The following RPS6KA5 variants were observed in gnomAD, a reference collection of about 807,000 sequenced individuals.
RPS6KA5 encodes the protein ribosomal protein S6 kinase alpha-5.
In RPS6KA5, 27 loss-of-function variants were observed where a neutral mutation model predicts 85.5. That is an observed-to-expected ratio of 0.32 (90% CI 0.23 to 0.44). The LOEUF is 0.44. RPS6KA5 is among the 20% of genes least tolerant of loss of function. The probability of loss-of-function intolerance (pLI) is 1.00; values close to 1 mark genes in which losing one functional copy is unlikely to be tolerated. For missense variants in RPS6KA5, 811 were observed against 980.9 expected (o/e 0.83, Z 2.31); for synonymous variants, 334 against 348.2 (o/e 0.96, Z 0.46).
intron 2 of RPS6KA5, among the ~76,000 whole-genome samples, chr14:90,994,023 G>T (rs965656438): frequency 6.6e-6 from 1 of 151,948 alleles, no homozygotes; most frequent in Non-Finnish European, 1.5e-5. Flanking sequence ...TGAATGGCTA[G>T]GACTACAGTC....
At chr14:90,922,612 TAA>T (rs1316205516) in intron 6 of RPS6KA5, among the ~76,000 whole-genome samples, 9 of 152,200 alleles carry the variant, frequency 5.9e-5, no homozygotes, top group African/African-American at 2.2e-4. Context: ...CACGCCCAGC[TAA>T]TTTTTTATAT....
chr14:90,984,786 A>G (rs2039986182), intron 2 of RPS6KA5, among the ~76,000 whole-genome samples: 1 of 152,250 alleles, frequency 6.6e-6, no homozygotes, highest in Non-Finnish European at 1.5e-5. Flanking sequence ...TGACAGTTTT[A>G]AAACAAGAAG....
chr14:90,986,733 T>G (rs1484153494), intron 2 of RPS6KA5, among the ~76,000 whole-genome samples: 1 of 152,170 alleles, frequency 6.6e-6, no homozygotes, highest in Non-Finnish European at 1.5e-5. Context: ...CATGCCATCA[T>G]TCTCTACTCC....
intron 2 of RPS6KA5, among the ~76,000 whole-genome samples, chr14:90,997,162 TC>T (rs1333314843): frequency 2.0e-5 from 3 of 152,180 alleles, no homozygotes; most frequent in African/African-American, 7.2e-5. Flanking sequence ...TCAGATTTCT[TC>T]CTGTTTTAAA....
At chr14:90,928,772 G>A (rs1415045589) in intron 5 of RPS6KA5, among the ~76,000 whole-genome samples, 1 of 148,220 alleles carries the variant, frequency 6.7e-6, no homozygotes, top group Admixed American at 6.7e-5. Flanking sequence ...AACACACTCT[G>A]GCAGATTTGA....
At chr14:90,990,380 A>C (rs2040251875) in intron 2 of RPS6KA5, among the ~76,000 whole-genome samples, 1 of 152,224 alleles carries the variant, frequency 6.6e-6, no homozygotes, top group Non-Finnish European at 1.5e-5. Context: ...AAAAAATAAC[A>C]GATACTGGTG....
chr14:90,982,411 A>G (rs936187389), intron 2 of RPS6KA5, among the ~76,000 whole-genome samples: 5 of 152,210 alleles, frequency 3.3e-5, no homozygotes, highest in African/African-American at 1.2e-4. Context: ...GCAGTGAGCC[A>G]TGATTGCACC....
At chr14:91,024,096 TAA>T (rs760572305) in intron 1 of RPS6KA5, among the ~76,000 whole-genome samples, 44 of 152,364 alleles carry the variant, frequency 2.9e-4, no homozygotes, top group Non-Finnish European at 5.0e-4. Context: ...TGTATTTAAT[TAA>T]GTGTTCCCCT....
Position 90,854,738 on chromosome 14 carries a change from G to A in RPS6KA5, c.*17336C>T, listed in dbSNP as rs1327071831. 1.3e-5 allele frequency: 2 copies of A among 152,112 alleles called. No homozygotes were observed. The highest frequency in any genetic ancestry group is 1.5e-5 in the Non-Finnish European group (1 of 68,004). The allele number at this position is 152,112 out of a possible 1,614,324, so 9.4% of individuals were successfully genotyped here. A position where few individuals can be genotyped will look rare whatever the true frequency, so the allele number is the denominator to read the frequency against. On this transcript the variant is annotated 3_prime_UTR_variant, in exon 17 of 17. Transcript: ENST00000614987. Reference sequence around the variant, plus strand: ...AGCCCATTCTTATTTTTAAAAATATGTACAACTAGACTAATGATGCCAAAT... The same window carrying A: ...AGCCCATTCTTATTTTTAAAAATATATACAACTAGACTAATGATGCCAAAT...
At chr14:90,895,756 G>A (rs1247999132) in intron 12 of RPS6KA5, among the ~76,000 whole-genome samples, 8 of 152,192 alleles carry the variant, frequency 5.3e-5, no homozygotes, top group Non-Finnish European at 1.2e-4. Flanking sequence ...CAGACATGGT[G>A]GCGCACGCCT....
At chr14:90,939,644 G>A (rs2037466397) in intron 5 of RPS6KA5, among the ~76,000 whole-genome samples, 1 of 152,118 alleles carries the variant, frequency 6.6e-6, no homozygotes, top group Non-Finnish European at 1.5e-5. Context: ...ACTTGTTGCA[G>A]GGAAACTCCC....
intron 14 of RPS6KA5, among the ~76,000 whole-genome samples, chr14:90,889,591 TA>T (rs1252006985): frequency 2.0e-5 from 3 of 151,666 alleles, no homozygotes; most frequent in African/African-American, 2.4e-5. Context: ...AACACATATA[TA>T]AAAAAAATTC....
At chr14:90,973,921 C>T (rs2039437729) in intron 3 of RPS6KA5, among the ~76,000 whole-genome samples, 1 of 151,004 alleles carries the variant, frequency 6.6e-6, no homozygotes, top group Non-Finnish European at 1.5e-5. Flanking sequence ...GCCTATAATC[C>T]CAGCTACTCG....
At position 90,851,807 on chromosome 14, in the gene RPS6KA5, G is replaced by A. The variant is rs1007429281; in HGVS notation, c.*20267C>T. ...TGAATGGTTTTTACTAATAAAGCTG[G>A]GCACAGGCCAAGGCAGACATGAATG... On this transcript the variant is annotated 3_prime_UTR_variant, in exon 17 of 17. Coordinates refer to ENST00000614987, the MANE Select transcript of RPS6KA5 (RefSeq NM_004755.4). 1 of 152,092 alleles carries A rather than the reference G, an allele frequency of 6.6e-6. No homozygotes were observed. Among genetic ancestry groups the A allele is most frequent in the African/African-American group, 2.4e-5 (1 of 41,390 alleles). The allele number at this position is 152,092 out of a possible 1,614,324, so 9.4% of individuals were successfully genotyped here. A position where few individuals can be genotyped will look rare whatever the true frequency, so the allele number is the denominator to read the frequency against.
chr14:91,051,451 A>G (rs1004641640), intron 1 of RPS6KA5, among the ~76,000 whole-genome samples: 1 of 151,942 alleles, frequency 6.6e-6, no homozygotes, highest in African/African-American at 2.4e-5. Flanking sequence ...CAATAAAGTA[A>G]ATCACCACTC....
At chr14:90,890,030 ATTACT>A (rs1489853251) in intron 14 of RPS6KA5, among the ~76,000 whole-genome samples, 6 of 152,236 alleles carry the variant, frequency 3.9e-5, no homozygotes, top group African/African-American at 7.2e-5. Context: ...GCATGCTCAC[ATTACT>A]TTAAGTTACG....
intron 13 of RPS6KA5, chr14:90,893,973 A>G: frequency 1.2e-6 from 1 of 843,984 alleles, no homozygotes; most frequent in Non-Finnish European, 1.4e-6. Context: ...CTCTTTAAGT[A>G]TTTAGAATAG....
At chr14:91,036,323 T>C (rs1233676940) in intron 1 of RPS6KA5, among the ~76,000 whole-genome samples, 1 of 152,010 alleles carries the variant, frequency 6.6e-6, no homozygotes, top group African/African-American at 2.4e-5. Context: ...AAGAAGAGAG[T>C]ATGTTTTGAT....
At chr14:91,005,393 T>C (rs977163969) in intron 1 of RPS6KA5, among the ~76,000 whole-genome samples, 54 of 152,314 alleles carry the variant, frequency 3.5e-4, no homozygotes, top group African/African-American at 1.3e-3. Context: ...AACCACATGT[T>C]TTTGTTGTTG....
Sources: gnomAD v4.1 joint callset for allele counts (sites outside exome capture counted in the v4.1 genomes callset) on GRCh38, gnomAD v4.1.1 for gene constraint, MANE v1.5 for transcripts, NCBI Gene and HGNC (gene_info 2026-07-23, HGNC 2026-07-21) for gene names.